Variants in FBXL7 observed in about 807,000 individuals in gnomAD.
FBXL7 encodes F-box/LRR-repeat protein 7.
A neutral mutation model predicts 38.3 loss-of-function variants in FBXL7; 12 were observed. The ratio of observed to expected loss-of-function variants is 0.31; its 90% confidence interval spans 0.20 to 0.51. FBXL7 has a LOEUF of 0.51. Among genes scored for constraint, FBXL7 ranks in the 20% least tolerant of loss-of-function variants. The probability of loss-of-function intolerance (pLI) is 0.98; values close to 1 mark genes in which losing one functional copy is unlikely to be tolerated. For synonymous variants in FBXL7, 297 were observed against 300.9 expected (o/e 0.99, Z 0.13); for missense variants, 567 against 676.4 (o/e 0.84, Z 1.79).
intron 1 of FBXL7, among the ~76,000 whole-genome samples, chr5:15,509,207 T>C (rs537799220): frequency 2.0e-5 from 3 of 152,214 alleles, no homozygotes; most frequent in East Asian, 1.9e-4. Context: ...AGGGGCAGAG[T>C]GGCAGTTCTT....
intron 2 of FBXL7, among the ~76,000 whole-genome samples, chr5:15,787,906 C>G (rs1737172185): frequency 6.6e-6 from 1 of 152,098 alleles, no homozygotes. Flanking sequence ...GGTGACTTAC[C>G]ATGATAGAAA....
At chr5:15,702,470 C>T (rs1030227749) in intron 2 of FBXL7, among the ~76,000 whole-genome samples, 6 of 152,120 alleles carry the variant, frequency 3.9e-5, no homozygotes, top group Non-Finnish European at 5.9e-5. Flanking sequence ...AGGAGCCACG[C>T]GGTATCTGCC....
At chr5:15,631,534 A>G (rs939697054) in intron 2 of FBXL7, among the ~76,000 whole-genome samples, 2 of 149,998 alleles carry the variant, frequency 1.3e-5, no homozygotes, top group Admixed American at 6.6e-5. Flanking sequence ...CGTCCCTACT[A>G]AAAATACAAA....
chr5:15,839,708 T>C (rs910812311), intron 2 of FBXL7, among the ~76,000 whole-genome samples: 2 of 152,210 alleles, frequency 1.3e-5, no homozygotes, highest in African/African-American at 2.4e-5. Context: ...AGATTTAATA[T>C]TTATTTAATA....
intron 3 of FBXL7, among the ~76,000 whole-genome samples, chr5:15,929,619 G>A (rs897849512): frequency 8.1e-6 from 1 of 124,116 alleles, no homozygotes; most frequent in Non-Finnish European, 1.6e-5. Flanking sequence ...GTGAGACCCT[G>A]TCTCTGAAAA....
chr5:15,654,055 C>T (rs957598636), intron 2 of FBXL7, among the ~76,000 whole-genome samples: 2 of 152,186 alleles, frequency 1.3e-5, no homozygotes, highest in African/African-American at 4.8e-5. Context: ...GGTTTACAGT[C>T]ATGCAAATGT....
chr5:15,785,247 G>A (rs1057371346), intron 2 of FBXL7, among the ~76,000 whole-genome samples: 6 of 152,172 alleles, frequency 3.9e-5, no homozygotes, highest in Admixed American at 6.5e-5. Flanking sequence ...CACAGGAAGC[G>A]AGTGAAGCTG....
chr5:15,769,941 C>T lies in FBXL7; in HGVS notation c.127+153869C>T, dbSNP rs563049920. Among the ~76,000 whole-genome samples the T allele has an allele frequency of 6.6e-5, 10 of 152,196 alleles. No homozygotes were observed. The East Asian group carries it at 1.9e-3, about 29-fold the overall frequency. ...ACTTTTTTTGTAAATCTGGAGTTAT[C>T]TCAAAGTAGAGATAAGAATATTTCA... On this transcript the variant is annotated intron_variant, in intron 2 of 3. Coordinates refer to ENST00000504595, the MANE Select transcript of FBXL7 (RefSeq NM_012304.5).
Position 15,671,955 on chromosome 5 carries a change from A to T in FBXL7, c.127+55883A>T, listed in dbSNP as rs1742491070. ...GCATCTTATTAACAAAAGAATGTTA[A>T]ATGTTAAACATAAATGTTTATAGTA... On this transcript the variant is annotated intron_variant, in intron 2 of 3. Coordinates refer to ENST00000504595, the MANE Select transcript of FBXL7 (RefSeq NM_012304.5). Among the ~76,000 whole-genome samples, 4 of 152,338 alleles carry T rather than the reference A, an allele frequency of 2.6e-5. No individual in the cohort carries two copies. The South Asian group carries it at 8.3e-4, about 32-fold the overall frequency.
At chr5:15,510,294 C>G (rs373450516) in intron 1 of FBXL7, among the ~76,000 whole-genome samples, 18 of 152,186 alleles carry the variant, frequency 1.2e-4, no homozygotes, top group African/African-American at 4.1e-4. Context: ...GTCAAAATTT[C>G]TAGAGAAAAA....
intron 2 of FBXL7, among the ~76,000 whole-genome samples, chr5:15,619,088 T>C (rs1476800304): frequency 3.3e-5 from 5 of 152,198 alleles, no homozygotes; most frequent in Non-Finnish European, 7.3e-5. Context: ...TCTTCCTGCA[T>C]GCGCGGAGCC....
intron 2 of FBXL7, among the ~76,000 whole-genome samples, chr5:15,745,342 A>G (rs751776945): frequency 6.6e-6 from 1 of 152,286 alleles, no homozygotes; most frequent in African/African-American, 2.4e-5. Context: ...AAATAAAGCA[A>G]TTTATTTAAG....
chr5:15,740,927 A>G (rs549443188), intron 2 of FBXL7, among the ~76,000 whole-genome samples: 2 of 152,200 alleles, frequency 1.3e-5, no homozygotes, highest in East Asian at 1.9e-4. Context: ...ACAATTTTAC[A>G]TATTTATATG....
At chr5:15,668,000 C>T (rs898581921) in intron 2 of FBXL7, among the ~76,000 whole-genome samples, 2 of 152,132 alleles carry the variant, frequency 1.3e-5, no homozygotes, top group Non-Finnish European at 2.9e-5. Context: ...GTTAAGTGAG[C>T]ACAGTATGCA....
At chr5:15,668,599 GC>G (rs1259406455) in intron 2 of FBXL7, among the ~76,000 whole-genome samples, 4 of 152,092 alleles carry the variant, frequency 2.6e-5, no homozygotes, top group Admixed American at 6.6e-5. Flanking sequence ...TGGATCTTGA[GC>G]AGCCACCTTG....
intron 2 of FBXL7, among the ~76,000 whole-genome samples, chr5:15,743,364 A>T (rs772831795): frequency 2.0e-5 from 3 of 152,218 alleles, no homozygotes; most frequent in Non-Finnish European, 4.4e-5. Context: ...GCTAAAACAA[A>T]GGGGCTACAG....
intron 2 of FBXL7, among the ~76,000 whole-genome samples, chr5:15,742,138 A>G (rs1280275943): frequency 6.6e-6 from 1 of 152,142 alleles, no homozygotes; most frequent in African/African-American, 2.4e-5. Flanking sequence ...ATAAGGGGAG[A>G]TTTATATATA....
At chr5:15,715,262 G>A (rs1347172245) in intron 2 of FBXL7, among the ~76,000 whole-genome samples, 2 of 152,078 alleles carry the variant, frequency 1.3e-5, no homozygotes, top group Admixed American at 1.3e-4. Flanking sequence ...GGAGGCCGAG[G>A]CAGGCGGATC....
chr5:15,807,900 T>G (rs1178096886), intron 2 of FBXL7, among the ~76,000 whole-genome samples: 1 of 152,130 alleles, frequency 6.6e-6, no homozygotes, highest in African/African-American at 2.4e-5. Context: ...TACAATACAA[T>G]CCACTCTAAA....
Sources: allele counts gnomAD v4.1 joint callset (sites outside exome capture counted in the v4.1 genomes callset), GRCh38; gene constraint gnomAD v4.1.1; transcripts MANE v1.5; gene names NCBI Gene and HGNC (gene_info 2026-07-23, HGNC 2026-07-21).